PID1: variants seen among roughly 807,000 people sequenced by gnomAD.
PID1 encodes phosphotyrosine interaction domain containing 1.
In PID1, 10 loss-of-function variants were observed where a neutral mutation model predicts 19.1. The observed-to-expected ratio is 0.52, with a 90% CI of 0.32 to 0.89. PID1 has a LOEUF of 0.89. Among genes scored for constraint, PID1 ranks in the 40% least tolerant of loss-of-function variants. The pLI is 0.03. For synonymous variants in PID1, 130 were observed against 116.0 expected, an observed-to-expected ratio of 1.12 and a Z score of -0.78; for missense variants, 248 against 285.3, an observed-to-expected ratio of 0.87 and a Z score of 0.94.
intron 1 of PID1, among the ~76,000 whole-genome samples, chr2:229,192,998 T>C (rs1482888434): frequency 6.6e-6 from 1 of 152,200 alleles, no homozygotes; most frequent in Non-Finnish European, 1.5e-5. Flanking sequence ...CAGAGATTAG[T>C]ATAGATATGC....
At chr2:229,240,326 A>G (rs1358388194) in intron 1 of PID1, among the ~76,000 whole-genome samples, 1 of 152,118 alleles carries the variant, frequency 6.6e-6, no homozygotes. Context: ...AAAAACTTGG[A>G]TATCAGTGAA....
intron 2 of PID1, among the ~76,000 whole-genome samples, chr2:229,041,540 A>G (rs1463550729): frequency 6.6e-6 from 1 of 152,218 alleles, no homozygotes; most frequent in African/African-American, 2.4e-5. Context: ...CTCCCAGTGA[A>G]GTAATAAATG....
chr2:229,246,247 G>A (rs184231754), intron 1 of PID1, among the ~76,000 whole-genome samples: 130 of 152,252 alleles, frequency 8.5e-4, no homozygotes, highest in African/African-American at 3.0e-3. Flanking sequence ...AGAAGGAAAT[G>A]ATGCTTCAAA....
At chr2:229,078,628 G>T (rs774458964) in intron 2 of PID1, among the ~76,000 whole-genome samples, 4 of 152,136 alleles carry the variant, frequency 2.6e-5, no homozygotes, top group East Asian at 3.8e-4. Flanking sequence ...TTTATCGAAG[G>T]CCTGTCTGTA....
chr2:229,101,494 A>C (rs889367844), intron 2 of PID1, among the ~76,000 whole-genome samples: 10 of 152,248 alleles, frequency 6.6e-5, no homozygotes, highest in Admixed American at 1.3e-4. Flanking sequence ...CAACAACAGG[A>C]ACTTGCTAAT....
intron 1 of PID1, among the ~76,000 whole-genome samples, chr2:229,228,316 CTAAG>C (rs1692127684): frequency 6.6e-6 from 1 of 152,148 alleles, no homozygotes; most frequent in Non-Finnish European, 1.5e-5. Context: ...ATTCTGTAAA[CTAAG>C]TATCCTAAAA....
intron 2 of PID1, among the ~76,000 whole-genome samples, 162 bp from the exon 3 acceptor site, chr2:229,026,270 T>A (rs1472573790): frequency 6.6e-6 from 1 of 152,232 alleles, no homozygotes; most frequent in Non-Finnish European, 1.5e-5. Context: ...AATTTCTACC[T>A]TTTCTCTCTA....
chr2:229,111,315 C>A (rs892181425), intron 2 of PID1, among the ~76,000 whole-genome samples: 1 of 152,058 alleles, frequency 6.6e-6, no homozygotes, highest in African/African-American at 2.4e-5. Flanking sequence ...GGATATTGAC[C>A]CAGGTAGGAG....
chr2:229,270,147 C>G lies in PID1; in HGVS notation c.30+867G>C, dbSNP rs1191168185. On this transcript the variant is annotated intron_variant, in intron 1 of 2. Transcript: ENST00000392055. ...CACGTCTTCAAAGTTTACTACGAAA[C>G]AATGTGGCTCCTAGCTTGCCAAAAG... Among the ~76,000 whole-genome samples the G allele has an allele frequency of 2.6e-5, 4 of 152,218 alleles. No homozygotes were observed. The East Asian group carries it at 7.7e-4, about 29-fold the overall frequency.
intron 1 of PID1, among the ~76,000 whole-genome samples, chr2:229,164,375 G>A (rs1347179650): frequency 6.6e-6 from 1 of 151,814 alleles, no homozygotes; most frequent in Non-Finnish European, 1.5e-5. Flanking sequence ...TGAACTAAGA[G>A]GGTGTGAGTC....
chr2:229,205,087 T>C (rs1691580972), intron 1 of PID1, among the ~76,000 whole-genome samples: 1 of 152,124 alleles, frequency 6.6e-6, no homozygotes, highest in South Asian at 2.1e-4. Context: ...TTAAATCTCT[T>C]CTCAAGAGAA....
chr2:229,161,930 C>T (rs1368694001), intron 1 of PID1, among the ~76,000 whole-genome samples: 1 of 152,168 alleles, frequency 6.6e-6, no homozygotes, highest in African/African-American at 2.4e-5. Context: ...ACTTTGCATG[C>T]ACAGGCAAGT....
chr2:229,219,220 C>A (rs983033988), intron 1 of PID1, among the ~76,000 whole-genome samples: 2 of 152,002 alleles, frequency 1.3e-5, no homozygotes, highest in East Asian at 3.9e-4. Flanking sequence ...AAAGATACAC[C>A]CGAGACGCGA....
intron 1 of PID1, among the ~76,000 whole-genome samples, chr2:229,260,816 CATT>C (rs1690442010): frequency 3.3e-5 from 4 of 121,194 alleles, no homozygotes; most frequent in Admixed American, 9.3e-5. Flanking sequence ...TTCTGATTGC[CATT>C]TTTTTTTTTT....
chr2:229,125,771 A>AAAATATGC lies in PID1; in HGVS notation c.177+30046_177+30047insGCATATTT, dbSNP rs746858064. The stretch of plus-strand genomic sequence containing the variant: ...TTGCATGTTTTTCATACTTGATATG[A>AAAATATGC]ACACTTCATGCACATTTTCCCACGT... On this transcript the variant is annotated intron_variant, in intron 2 of 2. Transcript: ENST00000392055. 7.2e-4 allele frequency among the ~76,000 whole-genome samples: 110 copies of AAAATATGC among 152,210 alleles called. 1 individual carries two copies. The highest frequency in any genetic ancestry group is 2.4e-4 in the Non-Finnish European group (16 of 68,040).
At chr2:229,168,209 C>T (rs1005108339) in intron 1 of PID1, among the ~76,000 whole-genome samples, 6 of 152,010 alleles carry the variant, frequency 3.9e-5, no homozygotes, top group African/African-American at 1.4e-4. Context: ...TGATATCTTC[C>T]ATTATTTTTG....
intron 1 of PID1, among the ~76,000 whole-genome samples, chr2:229,255,700 A>G (rs994420240): frequency 1.3e-5 from 2 of 152,196 alleles, no homozygotes; most frequent in African/African-American, 4.8e-5. Context: ...GGCGTGGGAT[A>G]TGTAGGAAAC....
rs563495546 is a variant in PID1, at chr2:229,079,653, G to A, written c.178-53545C>T. Reference sequence around the variant, plus strand: ...TTCTGTCCTGTAATTTCAAGAAGTGGGTTTTTAGCATCTCCAGTTGTTCCA... The same window carrying A: ...TTCTGTCCTGTAATTTCAAGAAGTGAGTTTTTAGCATCTCCAGTTGTTCCA... On this transcript the variant is annotated intron_variant, in intron 2 of 2. Coordinates refer to ENST00000392055, the MANE Select transcript of PID1 (RefSeq NM_001100818.2). Among the ~76,000 whole-genome samples the A allele has an allele frequency of 2.6e-5, 4 of 152,280 alleles. No homozygotes were observed. The South Asian group carries it at 6.2e-4, about 24-fold the overall frequency.
At chr2:229,105,202 T>C (rs1022020062) in intron 2 of PID1, among the ~76,000 whole-genome samples, 1 of 152,202 alleles carries the variant, frequency 6.6e-6, no homozygotes, top group African/African-American at 2.4e-5. Context: ...AGGAAGGAAT[T>C]TCCATGAGCC....
Sources: gnomAD v4.1 joint callset for allele counts (sites outside exome capture counted in the v4.1 genomes callset) on GRCh38, gnomAD v4.1.1 for gene constraint, MANE v1.5 for transcripts, NCBI Gene and HGNC (gene_info 2026-07-23, HGNC 2026-07-21) for gene names.